Variants in NDUFA10 observed in about 807,000 individuals in gnomAD.
The protein encoded by NDUFA10 is NADH dehydrogenase [ubiquinone] 1 alpha subcomplex subunit 10, mitochondrial.
A neutral mutation model predicts 47.8 loss-of-function variants in NDUFA10; 40 were observed. The ratio of observed to expected loss-of-function variants is 0.84; its 90% CI spans 0.65 to 1.09. The LOEUF (loss-of-function observed/expected upper bound fraction) is 1.09. Ranked by LOEUF, NDUFA10 falls within the 50% of genes least tolerant of loss-of-function variation. NDUFA10 has a pLI of 0.00. For synonymous variants in NDUFA10, 183 were observed against 172.2 expected (o/e 1.06, Z -0.49); for missense variants, 413 against 451.1 (o/e 0.92, Z 0.76).
chr2:239,990,034 C>T lies in NDUFA10; in HGVS notation c.999+40G>A, dbSNP rs531918393. 1.1e-5 allele frequency: 15 copies of T among 1,418,108 alleles called. No individual in the cohort carries two copies. In the East Asian group the frequency reaches 3.0e-4, roughly 28 times the overall value. 87.8% of individuals were successfully genotyped at this position (1,418,108 alleles called of 1,614,324 possible). On this transcript the variant is annotated intron_variant, in intron 9 of 9. Transcript: ENST00000252711. ...CTGCATTGTCCCCAGGTGCTGCAGA[C>T]TCATCCACTGGCCAGCTTTCTCCAT...
In NDUFA10 at chr2:239,929,681, T is replaced by C. The variant is rs560966768; in HGVS notation, c.295-34367A>G. Among the ~76,000 whole-genome samples the C allele has an allele frequency of 3.9e-4, 53 of 135,720 alleles. No individual in the cohort carries two copies. The South Asian group carries it at 8.9e-3, about 23-fold the overall frequency. 89.0% of individuals were successfully genotyped at this position (135,720 alleles called of 152,430 possible). A position where few individuals can be genotyped will look rare whatever the true frequency, so the allele number is the denominator to read the frequency against. ...TTCTCCACCACCCCTGCTCCTCCAC[T>C]GCCCCTGCTCCTCCACTGCTCTTGC... On this transcript the variant is annotated intron_variant, in intron 4 of 5. Transcript: ENST00000419408.
chr2:240,017,970 G>C lies in NDUFA10; in HGVS notation c.547+583C>G, dbSNP rs181378908. 1.4e-4 allele frequency: 186 copies of C among 1,374,614 alleles called. 2 individuals carry two copies. Among genetic ancestry groups the C allele is most frequent in the Admixed American group, 8.9e-4 (45 of 50,728 alleles). The allele number at this position is 1,374,614 out of a possible 1,614,324, so 85.2% of individuals were successfully genotyped here. A position where few individuals can be genotyped will look rare whatever the true frequency, so the allele number is the denominator to read the frequency against. ...CCTATTCAACCCACCGCCCAACACA[G>C]TCCTAGTCACAGACACCCCAACCCC... On this transcript the variant is annotated intron_variant, in intron 4 of 9. Coordinates refer to ENST00000252711, the MANE Select transcript of NDUFA10 (RefSeq NM_004544.4).
intron 8 of NDUFA10, among the ~76,000 whole-genome samples, chr2:239,995,365 C>T (rs575108926): frequency 1.3e-5 from 2 of 152,290 alleles, no homozygotes; most frequent in East Asian, 3.9e-4. Flanking sequence ...CCTGCAGCCC[C>T]ATGGAGCAGC....
At chr2:240,010,697 A>G (rs1434505683) in intron 6 of NDUFA10, among the ~76,000 whole-genome samples, 2 of 152,082 alleles carry the variant, frequency 1.3e-5, no homozygotes, top group African/African-American at 4.8e-5. Context: ...ACGGTACAGA[A>G]AAAACTCCCT....
At chr2:239,910,740 A>G (rs145643744) in intron 4 of NDUFA10, among the ~76,000 whole-genome samples, 1 of 152,216 alleles carries the variant, frequency 6.6e-6, no homozygotes, top group African/African-American at 2.4e-5. Context: ...GAAAAAAATA[A>G]TAATCATGTG....
intron 9 of NDUFA10, among the ~76,000 whole-genome samples, chr2:239,984,783 G>C (rs1450015442): frequency 6.6e-6 from 1 of 152,242 alleles, no homozygotes. Flanking sequence ...TGGGCTGCAC[G>C]TTCCCGTCCC....
chr2:239,990,564 T>G (rs1696203113), intron 8 of NDUFA10, among the ~76,000 whole-genome samples: 1 of 152,224 alleles, frequency 6.6e-6, no homozygotes, highest in Non-Finnish European at 1.5e-5. Flanking sequence ...ACACAAAGCA[T>G]GCCCCCATTA....
At chr2:239,938,251 G>C (rs990492977) in intron 4 of NDUFA10, among the ~76,000 whole-genome samples, 1 of 152,270 alleles carries the variant, frequency 6.6e-6, no homozygotes, top group East Asian at 1.9e-4. Context: ...GAATAAACCT[G>C]TAGCGTGGCA....
Position 240,018,642 on chromosome 2 carries a change from G to A in NDUFA10, c.461-3C>T, listed in dbSNP as rs199699869. 6.6e-4 allele frequency: 1,072 copies of A among 1,614,124 alleles called. 7 individuals carry two copies. The highest frequency in any genetic ancestry group is 4.7e-5 in the Non-Finnish European group (55 of 1,180,010). On this transcript the variant is annotated splice_polypyrimidine_tract_variant and splice_region_variant and intron_variant, in intron 3 of 9. Coordinates refer to ENST00000252711, the MANE Select transcript of NDUFA10 (RefSeq NM_004544.4). ...GCGCTCCAACACAACACCTTGTCCT[G>A]TTTAAACATAGGCAAACAGAAATTG... is the stretch of plus-strand genomic sequence containing the variant.
rs185590638 is a variant in NDUFA10 at position 240,018,118 on chromosome 2, G to A, written c.547+435C>T. 1.1e-4 allele frequency among the ~76,000 whole-genome samples: 17 copies of A among 152,324 alleles called. No individual in the cohort carries two copies. In the Middle Eastern group the frequency reaches 0.01, roughly 91 times the overall value. ...CTACTGTCCTGAAAAACGGCAGCGT[G>A]TCAGAGGGAAGCACTGTGATGATGC... On this transcript the variant is annotated intron_variant, in intron 4 of 9. Coordinates refer to ENST00000252711, the MANE Select transcript of NDUFA10 (RefSeq NM_004544.4).
At chr2:239,990,355 T>A (rs375765210) in intron 8 of NDUFA10, among the ~76,000 whole-genome samples, 173 bp from the exon 9 acceptor site, 1 of 152,214 alleles carries the variant, frequency 6.6e-6, no homozygotes, top group Non-Finnish European at 1.5e-5. Flanking sequence ...AAAGACCACA[T>A]GGTCGATCTG....
At chr2:239,903,087 T>G (rs936876593) in intron 4 of NDUFA10, among the ~76,000 whole-genome samples, 1 of 152,080 alleles carries the variant, frequency 6.6e-6, no homozygotes, top group Non-Finnish European at 1.5e-5. Context: ...CCAGAGCACG[T>G]TCTTGTCTGA....
chr2:239,966,134 G>A (rs1052765637), intron 9 of NDUFA10, among the ~76,000 whole-genome samples: 5 of 152,216 alleles, frequency 3.3e-5, no homozygotes, highest in African/African-American at 4.8e-5. Context: ...TGGCCCACCG[G>A]GAGTGTTCCA....
rs1693515236 is a variant in NDUFA10, at chr2:239,900,035, G to A, written c.295-4721C>T. On this transcript the variant is annotated intron_variant, in intron 4 of 5. Transcript: ENST00000419408. Reference sequence around the variant, plus strand: ...AAGCAAGCAGAAGAAAGTGGAATGAGCAGACTTGCTGAGTCTTCCAGCCTT... The same window carrying A: ...AAGCAAGCAGAAGAAAGTGGAATGAACAGACTTGCTGAGTCTTCCAGCCTT... Among the ~76,000 whole-genome samples the A allele has an allele frequency of 2.6e-5, 4 of 152,088 alleles. No homozygotes were observed. The South Asian group carries it at 8.3e-4, about 32-fold the overall frequency.
chr2:239,985,568 C>T (rs1326875208), intron 9 of NDUFA10, among the ~76,000 whole-genome samples: 4 of 151,280 alleles, frequency 2.6e-5, no homozygotes, highest in Admixed American at 6.6e-5. Context: ...CAACTGGAAC[C>T]GAAAGAGAGC....
chr2:239,973,525 C>T (rs756007405), intron 9 of NDUFA10: 13 of 469,868 alleles, frequency 2.8e-5, no homozygotes, highest in Non-Finnish European at 5.7e-5. Flanking sequence ...ACAGAAGATT[C>T]TGTTGTCCTA....
intron 4 of NDUFA10, among the ~76,000 whole-genome samples, chr2:239,919,625 C>T (rs1424209769): frequency 1.3e-5 from 2 of 152,194 alleles, no homozygotes; most frequent in Non-Finnish European, 2.9e-5. Flanking sequence ...GTGATTTTAG[C>T]ATTCTTCCTA....
rs894087069 is a variant in NDUFA10, at chr2:239,899,434, G to A, written c.295-4120C>T. ...AGGTGTGATGGAGGGGTGTGATGGA[G>A]GAATGTGGAGGGTTGTGATGGAGGG... On this transcript the variant is annotated intron_variant, in intron 4 of 5. Coordinates refer to the NDUFA10 transcript ENST00000419408. Among the ~76,000 whole-genome samples the A allele has an allele frequency of 1.8e-5, 2 of 110,914 alleles. 1 individual carries two copies. Among genetic ancestry groups the A allele is most frequent in the Non-Finnish European group, 4.4e-5 (2 of 45,734 alleles). The allele number at this position is 110,914 out of a possible 152,430, so 72.8% of individuals were successfully genotyped here.
chr2:239,951,856 C>T (rs750437701), intron 4 of NDUFA10, among the ~76,000 whole-genome samples: 1 of 152,254 alleles, frequency 6.6e-6, no homozygotes, highest in African/African-American at 2.4e-5. Context: ...CCTGGCCATG[C>T]CCTGGGCAGC....
Sources: allele counts gnomAD v4.1 joint callset (sites outside exome capture counted in the v4.1 genomes callset), GRCh38; gene constraint gnomAD v4.1.1; transcripts MANE v1.5; gene names NCBI Gene and HGNC (gene_info 2026-07-23, HGNC 2026-07-21).